The following TNPO1 variants were observed in gnomAD, a reference collection of about 807,000 sequenced individuals.
The protein encoded by TNPO1 is transportin-1.
A neutral mutation model predicts 119.5 loss-of-function variants in TNPO1; 8 were observed. That is an observed-to-expected ratio of 0.07 (90% CI 0.04 to 0.12). The LOEUF is 0.12. TNPO1 is among the 10% of genes least tolerant of loss of function. The pLI is 1.00. For synonymous variants in TNPO1, 362 were observed against 363.0 expected, an observed-to-expected ratio of 1.00 and a Z score of 0.03; for missense variants, 576 against 1,089.8, an observed-to-expected ratio of 0.53 and a Z score of 6.64.
At chr5:72,878,008 A>G (rs1747933651) in intron 9 of TNPO1, among the ~76,000 whole-genome samples, 1 of 152,108 alleles carries the variant, frequency 6.6e-6, no homozygotes, top group African/African-American at 2.4e-5. Context: ...ATACTATTTA[A>G]TGGTTTGTTC....
chr5:72,905,533 AT>A, intron 24 of TNPO1, 88 bp downstream of exon 24: 1 of 611,210 alleles, frequency 1.6e-6, no homozygotes, highest in Admixed American at 3.0e-5. Flanking sequence ...ATAAAAAGCT[AT>A]TTGTTTTCTA....
intron 6 of TNPO1, among the ~76,000 whole-genome samples, chr5:72,868,618 C>T (rs767165339): frequency 6.6e-6 from 1 of 151,974 alleles, no homozygotes; most frequent in Non-Finnish European, 1.5e-5. Context: ...TAGTTATATG[C>T]GTGCATAGGT....
intron 4 of TNPO1, among the ~76,000 whole-genome samples, chr5:72,857,251 C>G (rs1174825002): frequency 6.6e-6 from 1 of 151,386 alleles, no homozygotes; most frequent in Non-Finnish European, 1.5e-5. Context: ...CCGGGAGGTG[C>G]AGGTTGCAGT....
chr5:72,871,280 A>G (rs1747379224), intron 6 of TNPO1, among the ~76,000 whole-genome samples: 1 of 152,166 alleles, frequency 6.6e-6, no homozygotes, highest in Admixed American at 6.5e-5. Flanking sequence ...CCCAGCCAGT[A>G]GTAGTTTTAT....
At chr5:72,906,043 G>A (rs1006605757) in intron 24 of TNPO1, among the ~76,000 whole-genome samples, 10 of 152,078 alleles carry the variant, frequency 6.6e-5, no homozygotes, top group Non-Finnish European at 1.5e-4. Flanking sequence ...TCTCAACATT[G>A]CTTCAACTAT....
chr5:72,854,563 A>G (rs917711041), intron 3 of TNPO1, among the ~76,000 whole-genome samples: 2 of 152,194 alleles, frequency 1.3e-5, no homozygotes, highest in Non-Finnish European at 2.9e-5. Context: ...GAATGATTCA[A>G]AGTCCTTAGT....
chr5:72,837,479 C>T (rs745635581), intron 1 of TNPO1, among the ~76,000 whole-genome samples: 2 of 152,166 alleles, frequency 1.3e-5, no homozygotes, highest in Non-Finnish European at 2.9e-5. Context: ...AAAGTGCCTT[C>T]CAAAGTCCCC....
chr5:72,859,376 C>T (rs1580408138), intron 4 of TNPO1, among the ~76,000 whole-genome samples: 2 of 152,252 alleles, frequency 1.3e-5, no homozygotes, highest in Admixed American at 6.5e-5. Context: ...GACCATGCCA[C>T]GTGTTGGGGT....
intron 9 of TNPO1, chr5:72,878,851 A>T (rs1748019322): frequency 4.4e-6 from 2 of 454,214 alleles, no homozygotes; most frequent in Admixed American, 5.1e-5. Flanking sequence ...GCTTTTATTT[A>T]TTGACTTTTC....
chr5:72,877,518 T>TA, intron 9 of TNPO1, among the ~76,000 whole-genome samples, 172 bp downstream of exon 9: 1 of 152,076 alleles, frequency 6.6e-6, no homozygotes. Flanking sequence ...TTGCCTATTT[T>TA]AAAAAAAATT....
At position 72,905,465 on chromosome 5, in the gene TNPO1, G is replaced by A; in HGVS notation, c.*35+20G>A. ...TTAGGGGTAAGTTATAAGAAGTTTG[G>A]AAATTTTCAGGATGAAGAAAATTTT... On this transcript the variant is annotated intron_variant, in intron 24 of 24. Coordinates refer to ENST00000337273, the MANE Select transcript of TNPO1 (RefSeq NM_002270.4). 2.3e-6 allele frequency: 3 copies of A among 1,292,410 alleles called. No homozygotes were observed. The highest frequency in any genetic ancestry group is 3.3e-6 in the Non-Finnish European group (3 of 921,456). 80.1% of individuals were successfully genotyped at this position (1,292,410 alleles called of 1,614,324 possible). A position where few individuals can be genotyped will look rare whatever the true frequency, so the allele number is the denominator to read the frequency against.
chr5:72,885,768 T>G (rs1748579210), intron 11 of TNPO1, among the ~76,000 whole-genome samples: 1 of 150,662 alleles, frequency 6.6e-6, no homozygotes, highest in African/African-American at 2.4e-5. Context: ...TTTGAGGATT[T>G]TATTATTGTC....
At chr5:72,896,057 A>G (rs987181118) in intron 18 of TNPO1, among the ~76,000 whole-genome samples, 5 of 152,142 alleles carry the variant, frequency 3.3e-5, no homozygotes, top group African/African-American at 1.2e-4. Flanking sequence ...TTCAGAGACC[A>G]CAATCAGAGC....
At chr5:72,857,453 T>A (rs1235602804) in intron 4 of TNPO1, among the ~76,000 whole-genome samples, 1 of 152,212 alleles carries the variant, frequency 6.6e-6, no homozygotes. Flanking sequence ...TGATTTTACA[T>A]TTGATGGGTA....
At chr5:72,832,282 G>T (rs1450547021) in intron 1 of TNPO1, among the ~76,000 whole-genome samples, 2 of 152,088 alleles carry the variant, frequency 1.3e-5, no homozygotes, top group Admixed American at 6.6e-5. Context: ...TTGCTAATTG[G>T]ACTAAAACCA....
At chr5:72,851,159 A>C in intron 2 of TNPO1, 85 bp from the exon 3 acceptor site, 1 of 827,328 alleles carries the variant, frequency 1.2e-6, no homozygotes, top group Non-Finnish European at 2.0e-6. Flanking sequence ...ATACCACCAA[A>C]GAGATCCTTG....
chr5:72,836,199 C>T (rs764734539), intron 1 of TNPO1, among the ~76,000 whole-genome samples: 4 of 152,184 alleles, frequency 2.6e-5, no homozygotes, highest in Non-Finnish European at 4.4e-5. Flanking sequence ...GCTGTATCCC[C>T]GCTACCACAG....
At chr5:72,836,035 A>G (rs1744679920) in intron 1 of TNPO1, among the ~76,000 whole-genome samples, 1 of 152,218 alleles carries the variant, frequency 6.6e-6, no homozygotes, top group African/African-American at 2.4e-5. Flanking sequence ...CCCTGTCCCC[A>G]TGGCTTTGCT....
chr5:72,876,681 A>G (rs1013950923), intron 8 of TNPO1, among the ~76,000 whole-genome samples: 1 of 152,126 alleles, frequency 6.6e-6, no homozygotes, highest in African/African-American at 2.4e-5. Context: ...AAATCTCAGT[A>G]GTATCATAAA....
Sources: allele counts gnomAD v4.1 joint callset (sites outside exome capture counted in the v4.1 genomes callset), GRCh38; gene constraint gnomAD v4.1.1; transcripts MANE v1.5; gene names NCBI Gene and HGNC (gene_info 2026-07-23, HGNC 2026-07-21).